Variants in STK32C observed in about 807,000 individuals in gnomAD.
STK32C encodes serine/threonine kinase 32C.
STK32C carries 31 observed loss-of-function variants against 56.5 expected under a neutral mutation model. The observed-to-expected ratio is 0.55, with a 90% CI of 0.41 to 0.74. STK32C has a LOEUF of 0.74. Among genes scored for constraint, STK32C ranks in the 30% least tolerant of loss-of-function variants. The probability of loss-of-function intolerance (pLI) is 0.00; values close to 1 mark genes in which losing one functional copy is unlikely to be tolerated. For synonymous variants in STK32C, 309 were observed against 289.4 expected (o/e 1.07, Z -0.69); for missense variants, 544 against 676.9 (o/e 0.80, Z 2.18).
At chr10:132,308,670 C>A (rs1203730249), upstream of STK32C, among the ~76,000 whole-genome samples, 1 of 152,098 alleles carries the variant, frequency 6.6e-6, no homozygotes, top group Non-Finnish European at 1.5e-5. Flanking sequence ...CTCGGGCACC[C>A]CCGTGCCATC....
chr10:132,294,582 G>A (rs377008033), intron 1 of STK32C, among the ~76,000 whole-genome samples: 4 of 152,136 alleles, frequency 2.6e-5, no homozygotes, highest in African/African-American at 4.8e-5. Flanking sequence ...GATGCCTGGC[G>A]CCCTTCTCCA....
intron 1 of STK32C, among the ~76,000 whole-genome samples, chr10:132,294,625 T>C (rs2065680152): frequency 6.6e-6 from 1 of 152,156 alleles, no homozygotes; most frequent in Non-Finnish European, 1.5e-5. Context: ...GGCTCACTCT[T>C]AGCCCCTCGG....
At chr10:132,240,125 C>T (rs2063450412) in intron 2 of STK32C, among the ~76,000 whole-genome samples, 1 of 152,126 alleles carries the variant, frequency 6.6e-6, no homozygotes, top group Admixed American at 6.5e-5. Context: ...GCCTGGGCTA[C>T]AGGCAGTGCT....
intron 1 of STK32C, among the ~76,000 whole-genome samples, chr10:132,305,888 G>A (rs2138398648): frequency 6.6e-6 from 1 of 152,278 alleles, no homozygotes; most frequent in South Asian, 2.1e-4. Flanking sequence ...CTCAGTTTGG[G>A]GATGTGGCTG....
At chr10:132,308,498 G>A (rs1251530293), upstream of STK32C, among the ~76,000 whole-genome samples, 1 of 152,086 alleles carries the variant, frequency 6.6e-6, no homozygotes, top group Non-Finnish European at 1.5e-5. Context: ...GATGCGGGCG[G>A]CGGGAATCTG....
intron 1 of STK32C, among the ~76,000 whole-genome samples, chr10:132,253,296 T>C (rs930188512): frequency 3.3e-5 from 5 of 152,160 alleles, no homozygotes; most frequent in African/African-American, 9.7e-5. Flanking sequence ...GCCTGGGAAC[T>C]GGAACCGGGC....
At chr10:132,300,432 G>A (rs1340370535) in intron 1 of STK32C, among the ~76,000 whole-genome samples, 1 of 152,158 alleles carries the variant, frequency 6.6e-6, no homozygotes, top group African/African-American at 2.4e-5. Context: ...TGGAATCTGG[G>A]GGGGACAAAG....
chr10:132,244,394 G>C (rs2063611178), intron 2 of STK32C, among the ~76,000 whole-genome samples: 1 of 152,218 alleles, frequency 6.6e-6, no homozygotes, highest in South Asian at 2.1e-4. Context: ...ATGGTGGGCA[G>C]GGCTGAGGCT....
chr10:132,245,821 G>C (rs2063667338), intron 2 of STK32C, 79 bp downstream of exon 2: 3 of 1,426,362 alleles, frequency 2.1e-6, no homozygotes, highest in Non-Finnish European at 2.9e-6. Flanking sequence ...GAGTAGGTGG[G>C]CTCAGGGGAC....
At chr10:132,240,930 G>T (rs187854192) in intron 2 of STK32C, among the ~76,000 whole-genome samples, 3 of 152,072 alleles carry the variant, frequency 2.0e-5, no homozygotes, top group African/African-American at 7.2e-5. Context: ...CTAGAGACAC[G>T]CCTCTGCCTC....
chr10:132,278,550 A>T (rs2065055994), intron 1 of STK32C, among the ~76,000 whole-genome samples: 1 of 151,992 alleles, frequency 6.6e-6, no homozygotes, highest in Non-Finnish European at 1.5e-5. Context: ...TCACGAAGTC[A>T]GGAGATCAAG....
intron 1 of STK32C, among the ~76,000 whole-genome samples, chr10:132,286,481 G>C (rs931492885): frequency 7.2e-5 from 11 of 152,162 alleles, no homozygotes; most frequent in African/African-American, 2.7e-4. Context: ...CTGCAGGAAA[G>C]AAAACACAGG....
At chr10:132,275,495 A>G (rs1019488322) in intron 1 of STK32C, among the ~76,000 whole-genome samples, 14 of 152,310 alleles carry the variant, frequency 9.2e-5, no homozygotes, top group East Asian at 5.8e-4. Context: ...AAGCAATAAG[A>G]GAGCCCAGGA....
intron 1 of STK32C, among the ~76,000 whole-genome samples, chr10:132,254,181 C>T (rs1258315122): frequency 2.6e-5 from 4 of 151,756 alleles, no homozygotes; most frequent in Non-Finnish European, 4.4e-5. Flanking sequence ...TAGTGGCGGG[C>T]GCCTGTAATC....
intron 9 of STK32C, 21 bp downstream of exon 9, chr10:132,222,840 C>G: frequency 6.3e-7 from 1 of 1,590,168 alleles, no homozygotes; most frequent in Non-Finnish European, 8.6e-7. Context: ...GGCCCCCCAC[C>G]TGAGCCGCCC....
chr10:132,329,544 TTAGAAA>T, intron 1 of STK32C, among the ~76,000 whole-genome samples: 1 of 151,260 alleles, frequency 6.6e-6, no homozygotes, highest in Middle Eastern at 3.4e-3. Flanking sequence ...AAAAAGAAAA[TTAGAAA>T]TAGAGACCAA....
chr10:132,211,223 G>C (rs925953102), intron 10 of STK32C, among the ~76,000 whole-genome samples: 6 of 152,164 alleles, frequency 3.9e-5, no homozygotes, highest in Non-Finnish European at 8.8e-5. Context: ...GCAAACTCGG[G>C]CCGGCCTGAG....
At chr10:132,216,391 G>A (rs761259184) in intron 10 of STK32C, among the ~76,000 whole-genome samples, 3 of 150,028 alleles carry the variant, frequency 2.0e-5, no homozygotes, top group Non-Finnish European at 2.9e-5. Context: ...TTGAACTTAG[G>A]AAGCGGAGGT....
In STK32C at chr10:132,224,618, C is replaced by T. The variant is rs1031228908; in HGVS notation, c.877-95G>A. 16 of 860,764 alleles carry T rather than the reference C, an allele frequency of 1.9e-5. 1 individual carries two copies. Among genetic ancestry groups the T allele is most frequent in the South Asian group, 7.3e-5 (5 of 68,092 alleles). 53.3% of individuals were successfully genotyped at this position (860,764 alleles called of 1,614,324 possible). ...AGGTGCCATCGCCCTGAGAGGACCC[C>T]CTCCCCCCACCCCAAGTGCAGGCAC... is the stretch of plus-strand genomic sequence containing the variant. On this transcript the variant is annotated intron_variant, in intron 7 of 11. Transcript: ENST00000298630.
Sources: allele counts gnomAD v4.1 joint callset (sites outside exome capture counted in the v4.1 genomes callset), GRCh38; gene constraint gnomAD v4.1.1; transcripts MANE v1.5; gene names NCBI Gene and HGNC (gene_info 2026-07-23, HGNC 2026-07-21).